The following SNX29 variants were observed in gnomAD, a reference collection of about 807,000 sequenced individuals.
SNX29 encodes the protein sorting nexin-29.
In SNX29, 78 loss-of-function variants were observed where a neutral mutation model predicts 102.1. The observed-to-expected ratio is 0.76, with a 90% CI of 0.64 to 0.92. The LOEUF (loss-of-function observed/expected upper bound fraction) is 0.92, where lower values mean the gene tolerates loss of function less well. SNX29 is among the 40% of genes least tolerant of loss of function. The probability of loss-of-function intolerance (pLI) is 0.00; values close to 1 mark genes in which losing one functional copy is unlikely to be tolerated. For synonymous variants in SNX29, 580 were observed against 414.5 expected (o/e 1.40, Z -4.85); for missense variants, 1,280 against 1,061.7 (o/e 1.21, Z -2.86).
chr16:12,003,271 T>G (rs2056352619), intron 3 of SNX29, among the ~76,000 whole-genome samples: 1 of 152,190 alleles, frequency 6.6e-6, no homozygotes, highest in African/African-American at 2.4e-5. Context: ...TAATTCTCTT[T>G]CTAGGAATCT....
chr16:12,459,007 C>T (rs901830623), intron 18 of SNX29, among the ~76,000 whole-genome samples: 3 of 151,546 alleles, frequency 2.0e-5, no homozygotes, highest in Non-Finnish European at 2.9e-5. Context: ...TATTCTCCTT[C>T]CTCCTCCCTT....
chr16:12,485,216 C>T (rs2088168657), intron 19 of SNX29, among the ~76,000 whole-genome samples: 2 of 152,174 alleles, frequency 1.3e-5, no homozygotes, highest in African/African-American at 4.8e-5. Context: ...GGAAAGGTGG[C>T]TTTCTAATGG....
At chr16:12,252,379 C>G (rs1489691802) in intron 14 of SNX29, among the ~76,000 whole-genome samples, 1 of 152,218 alleles carries the variant, frequency 6.6e-6, no homozygotes. Flanking sequence ...CCTCTGGGTC[C>G]TCTGAGCCCC....
At chr16:12,541,231 A>G (rs2077323370) in intron 20 of SNX29, among the ~76,000 whole-genome samples, 1 of 152,198 alleles carries the variant, frequency 6.6e-6, no homozygotes, top group Non-Finnish European at 1.5e-5. Context: ...GAGAAGGACT[A>G]TGGAACCATG....
chr16:12,205,215 G>C (rs1449795209), intron 14 of SNX29, among the ~76,000 whole-genome samples: 1 of 152,132 alleles, frequency 6.6e-6, no homozygotes, highest in Non-Finnish European at 1.5e-5. Flanking sequence ...ACCATTGCAG[G>C]CATCCCTATG....
At chr16:12,208,607 G>A (rs2142022268) in intron 14 of SNX29, among the ~76,000 whole-genome samples, 1 of 152,224 alleles carries the variant, frequency 6.6e-6, no homozygotes, top group African/African-American at 2.4e-5. Context: ...CTGGGCAAGA[G>A]CCTTCAGGGA....
intron 19 of SNX29, among the ~76,000 whole-genome samples, chr16:12,504,965 C>A (rs1425169202): frequency 6.6e-6 from 1 of 152,130 alleles, no homozygotes; most frequent in Admixed American, 6.6e-5. Context: ...TGAGGTGTTT[C>A]CATTTTTTGG....
intron 13 of SNX29, among the ~76,000 whole-genome samples, chr16:12,135,098 C>T (rs778623367): frequency 2.6e-5 from 4 of 152,188 alleles, no homozygotes; most frequent in African/African-American, 9.7e-5. Flanking sequence ...AGAGAACTCA[C>T]CTTCTTTTTC....
intron 18 of SNX29, among the ~76,000 whole-genome samples, chr16:12,438,670 G>T (rs1001256196): frequency 5.3e-5 from 8 of 152,238 alleles, no homozygotes; most frequent in Non-Finnish European, 1.2e-4. Context: ...TCAGAGGTAA[G>T]AGCTTGTTGT....
intron 12 of SNX29, among the ~76,000 whole-genome samples, chr16:12,128,644 G>A (rs926636782): frequency 2.6e-5 from 4 of 151,892 alleles, no homozygotes; most frequent in African/African-American, 7.3e-5. Flanking sequence ...GTAGAGATAG[G>A]GTTTCATCAT....
intron 18 of SNX29, among the ~76,000 whole-genome samples, chr16:12,415,867 T>C (rs1046455500): frequency 1.3e-5 from 2 of 152,190 alleles, no homozygotes; most frequent in East Asian, 3.9e-4. Flanking sequence ...TTAGGGATGT[T>C]GGAAAGGGAT....
chr16:12,053,218 A>C (rs1220507694), intron 8 of SNX29: 1 of 148,586 alleles, frequency 6.7e-6, no homozygotes, highest in African/African-American at 2.5e-5. Context: ...TCGCTTGAAT[A>C]TGAGAGGCGG....
At chr16:12,418,194 G>T (rs1201542328) in intron 18 of SNX29, among the ~76,000 whole-genome samples, 1 of 152,054 alleles carries the variant, frequency 6.6e-6, no homozygotes, top group African/African-American at 2.4e-5. Context: ...ATGTTAATTG[G>T]CTGGTGATAT....
chr16:12,245,913 G>A (rs1359332020), intron 14 of SNX29, among the ~76,000 whole-genome samples: 8 of 152,224 alleles, frequency 5.3e-5, no homozygotes, highest in South Asian at 2.1e-4. Context: ...TCATTTGACT[G>A]TGGGAGAGTA....
chr16:12,333,757 C>A (rs940390494), intron 15 of SNX29, among the ~76,000 whole-genome samples: 1 of 152,114 alleles, frequency 6.6e-6, no homozygotes, highest in African/African-American at 2.4e-5. Flanking sequence ...CTGTATCTCT[C>A]ACAGAGCCTA....
intron 13 of SNX29, among the ~76,000 whole-genome samples, chr16:12,141,456 T>G (rs1418730892): frequency 4.6e-5 from 7 of 152,206 alleles, no homozygotes; most frequent in African/African-American, 1.7e-4. Context: ...AAGGCAAGTT[T>G]ATTAGAGAAA....
At chr16:12,242,825 T>G (rs1180260147) in intron 14 of SNX29, among the ~76,000 whole-genome samples, 3 of 151,150 alleles carry the variant, frequency 2.0e-5, no homozygotes, top group Middle Eastern at 3.2e-3. Flanking sequence ...CCTTGCTGGG[T>G]TTTTTTTTGT....
chr16:12,027,231 C>CG (rs2057218810), intron 3 of SNX29, 89 bp from the exon 4 acceptor site: 2 of 1,537,634 alleles, frequency 1.3e-6, no homozygotes, highest in African/African-American at 1.4e-5. Context: ...TTACACCTGG[C>CG]GGCTTACTCA....
intron 18 of SNX29, among the ~76,000 whole-genome samples, chr16:12,453,231 G>A (rs1403846328): frequency 6.6e-6 from 1 of 152,176 alleles, no homozygotes; most frequent in Admixed American, 6.5e-5. Flanking sequence ...GGCAGACGTG[G>A]CCAATCAATC....
Sources: gnomAD v4.1 joint callset for allele counts (sites outside exome capture counted in the v4.1 genomes callset) on GRCh38, gnomAD v4.1.1 for gene constraint, MANE v1.5 for transcripts, NCBI Gene and HGNC (gene_info 2026-07-23, HGNC 2026-07-21) for gene names.